Variants in PDE1A observed in about 807,000 individuals in gnomAD.
PDE1A encodes phosphodiesterase 1A, also known as dual specificity calcium/calmodulin-dependent 3',5'-cyclic nucleotide phosphodiesterase 1A.
PDE1A carries 35 observed loss-of-function variants against 61.7 expected under a neutral mutation model. The observed-to-expected ratio is 0.57, with a 90% confidence interval of 0.43 to 0.75. The LOEUF (loss-of-function observed/expected upper bound fraction) is 0.75, where lower values mean the gene tolerates loss of function less well. Ranked by LOEUF, PDE1A falls within the 30% of genes least tolerant of loss-of-function variation. PDE1A has a pLI of 0.00. For synonymous variants in PDE1A, 232 were observed against 213.2 expected (o/e 1.09, Z -0.77); for missense variants, 597 against 630.6 (o/e 0.95, Z 0.57).
Position 182,449,087 on chromosome 2 carries a change from A to ACACACACACACAC in PDE1A, c.101+73188_101+73189insGTGTGTGTGTGTG, listed in dbSNP as rs1460786874. ...ACACACACACACACACACACACACA[A>ACACACACACACAC]ACAAAACCCAGGAAATCCTTCTAAA... On this transcript the variant is annotated intron_variant, in intron 2 of 14. Transcript: ENST00000410103. Among the ~76,000 whole-genome samples, 140 of 140,990 alleles carry ACACACACACACAC rather than the reference A, an allele frequency of 9.9e-4. 2 individuals carry two copies. In the East Asian group the frequency reaches 0.016, roughly 16 times the overall value. The allele number at this position is 140,990 out of a possible 152,430, so 92.5% of individuals were successfully genotyped here. A position where few individuals can be genotyped will look rare whatever the true frequency, so the allele number is the denominator to read the frequency against.
At chr2:182,621,951 A>T in the PDE1A span, among the ~76,000 whole-genome samples, 2 of 152,180 alleles carry the variant, frequency 1.3e-5, no homozygotes, top group Non-Finnish European at 2.9e-5. Context: ...AGAATTACAC[A>T]TTTTCATGAC....
chr2:182,507,074 C>T (rs1559524590), intron 2 of PDE1A, among the ~76,000 whole-genome samples: 1 of 152,130 alleles, frequency 6.6e-6, no homozygotes, highest in African/African-American at 2.4e-5. Flanking sequence ...TTTTATTAGA[C>T]TATCTTTCTA....
intron 13 of PDE1A, among the ~76,000 whole-genome samples, chr2:182,159,778 G>A (rs958129014): frequency 6.6e-6 from 1 of 152,054 alleles, no homozygotes; most frequent in African/African-American, 2.4e-5. Flanking sequence ...AACATAGTGA[G>A]ACCACATCTC....
chr2:182,320,387 T>C (rs528591568), intron 1 of PDE1A, among the ~76,000 whole-genome samples: 37 of 152,034 alleles, frequency 2.4e-4, no homozygotes, highest in Non-Finnish European at 5.1e-4. Flanking sequence ...GCCGCACTGA[T>C]GAAGAGGAAA....
chr2:182,581,426 C>G, the PDE1A span, among the ~76,000 whole-genome samples: 3 of 152,114 alleles, frequency 2.0e-5, no homozygotes, highest in African/African-American at 7.2e-5. Flanking sequence ...AAGATAGCAC[C>G]CATATTCTCC....
At chr2:182,251,478 A>G (rs1310228317) in intron 2 of PDE1A, among the ~76,000 whole-genome samples, 1 of 152,186 alleles carries the variant, frequency 6.6e-6, no homozygotes, top group Non-Finnish European at 1.5e-5. Flanking sequence ...GACCAGAAGA[A>G]TTAGCATCAC....
At chr2:182,299,071 T>G (rs1466236724) in intron 1 of PDE1A, among the ~76,000 whole-genome samples, 1 of 151,998 alleles carries the variant, frequency 6.6e-6, no homozygotes, top group Non-Finnish European at 1.5e-5. Context: ...ATAGCAAATG[T>G]GTAGAGTATC....
chr2:182,265,148 G>A (rs1231942947), intron 1 of PDE1A, among the ~76,000 whole-genome samples: 1 of 150,774 alleles, frequency 6.6e-6, no homozygotes, highest in Non-Finnish European at 1.5e-5. Flanking sequence ...CTATATATTG[G>A]GTACAGTGTA....
chr2:182,391,986 C>G (rs2125394207), intron 1 of PDE1A, among the ~76,000 whole-genome samples: 1 of 152,244 alleles, frequency 6.6e-6, no homozygotes, highest in South Asian at 2.1e-4. Flanking sequence ...AGCCAGAACC[C>G]CTTTAATGAA....
chr2:182,179,017 A>G (rs570405029), intron 13 of PDE1A, among the ~76,000 whole-genome samples: 4 of 152,238 alleles, frequency 2.6e-5, no homozygotes, highest in South Asian at 2.1e-4. Flanking sequence ...CCATCTAAAG[A>G]AGGAGGAAAG....
chr2:182,364,683 A>G (rs1329930887), intron 1 of PDE1A, among the ~76,000 whole-genome samples: 2 of 151,838 alleles, frequency 1.3e-5, no homozygotes, highest in East Asian at 3.9e-4. Context: ...TAATTTTTAT[A>G]CTTCCTGATG....
intron 1 of PDE1A, among the ~76,000 whole-genome samples, chr2:182,299,295 T>A (rs1695082173): frequency 1.3e-5 from 2 of 151,606 alleles, no homozygotes; most frequent in Non-Finnish European, 1.5e-5. Flanking sequence ...ATTATTTCCC[T>A]AGTCCTTGAA....
chr2:182,182,757 A>G (rs935431357), intron 13 of PDE1A, among the ~76,000 whole-genome samples: 2 of 151,600 alleles, frequency 1.3e-5, no homozygotes, highest in Non-Finnish European at 2.9e-5. Flanking sequence ...TTGGCCTCCT[A>G]GATAATGTGG....
At chr2:182,255,159 T>C (rs766729944) in intron 2 of PDE1A, among the ~76,000 whole-genome samples, 19 of 152,198 alleles carry the variant, frequency 1.2e-4, no homozygotes, top group Non-Finnish European at 1.0e-4. Flanking sequence ...GTGGACCTGC[T>C]GACAGACATC....
At chr2:182,145,573 A>C (rs1690451928), downstream of PDE1A, among the ~76,000 whole-genome samples, 1 of 151,818 alleles carries the variant, frequency 6.6e-6, no homozygotes, top group South Asian at 2.1e-4. Context: ...ACTAAAATAC[A>C]AAAAAATTAG....
At chr2:182,380,711 A>G (rs1700684414) in intron 1 of PDE1A, among the ~76,000 whole-genome samples, 1 of 152,170 alleles carries the variant, frequency 6.6e-6, no homozygotes, top group Non-Finnish European at 1.5e-5. Context: ...TATTTCTTCA[A>G]CTTTAGGATA....
intron 2 of PDE1A, among the ~76,000 whole-genome samples, chr2:182,476,150 G>A (rs986151840): frequency 4.6e-5 from 7 of 151,842 alleles, no homozygotes; most frequent in Non-Finnish European, 7.4e-5. Flanking sequence ...AAATATGTAT[G>A]TTCTGTATCC....
intron 1 of PDE1A, among the ~76,000 whole-genome samples, chr2:182,375,353 G>C (rs1700337622): frequency 6.6e-6 from 1 of 152,150 alleles, no homozygotes; most frequent in Non-Finnish European, 1.5e-5. Flanking sequence ...AGATACAATG[G>C]GGGTACAGGT....
exon 7 of PDE1A, chr2:182,223,955 T>A: frequency 6.2e-7 from 1 of 1,601,242 alleles, no homozygotes; most frequent in Non-Finnish European, 8.5e-7. Context: ...TCCAGTTCAG[T>A]GAGCCAGTGC....
Sources: gnomAD v4.1 joint callset for allele counts (sites outside exome capture counted in the v4.1 genomes callset) on GRCh38, gnomAD v4.1.1 for gene constraint, MANE v1.5 for transcripts, NCBI Gene and HGNC (gene_info 2026-07-23, HGNC 2026-07-21) for gene names.